The following FBXL2 variants were observed in gnomAD, a reference collection of about 807,000 sequenced individuals.
FBXL2 encodes the protein F-box and leucine rich repeat protein 2.
Under a neutral mutation model 69.2 loss-of-function variants are expected in FBXL2, and 38 were observed. The ratio of observed to expected loss-of-function variants is 0.55; its 90% confidence interval spans 0.42 to 0.72. The LOEUF (loss-of-function observed/expected upper bound fraction) is 0.72, where lower values mean the gene tolerates loss of function less well. Ranked by LOEUF, FBXL2 falls within the 30% of genes least tolerant of loss-of-function variation. FBXL2 has a pLI of 0.00. For missense variants in FBXL2, 354 were observed against 520.3 expected (o/e 0.68, Z 3.11); for synonymous variants, 192 against 201.3 (o/e 0.95, Z 0.39).
downstream of FBXL2, among the ~76,000 whole-genome samples, chr3:33,404,648 G>GA (rs951229851): frequency 2.6e-5 from 4 of 151,710 alleles, no homozygotes; most frequent in Non-Finnish European, 5.9e-5. Flanking sequence ...CCCCCATCTT[G>GA]AAAAAAAGGA....
In FBXL2 at chr3:33,385,534, T is replaced by G; in HGVS notation, c.1198T>G (p.Phe400Val). ...CCCTCATGTCAAAGTCCACGCCTAC[T>G]TTGCTCCCGTCACCCCACCGACAGC... Reference protein sequence around the residue: ...QLPHVKVHAYFAPVTPPTAVA... With the variant: ...QLPHVKVHAYVAPVTPPTAVA... The change falls in exon 15 of 15, where the codon TTT becomes GTT. Residue 400 changes from phenylalanine to valine, a missense_variant. Transcript: ENST00000484457. 1 of 1,614,146 alleles carries G rather than the reference T, an allele frequency of 6.2e-7. No homozygotes were observed. Among genetic ancestry groups the G allele is most frequent in the Non-Finnish European group, 8.5e-7 (1 of 1,180,002 alleles).
At chr3:33,333,066 A>G (rs559941620) in intron 2 of FBXL2, among the ~76,000 whole-genome samples, 1 of 152,320 alleles carries the variant, frequency 6.6e-6, no homozygotes, top group East Asian at 1.9e-4. Flanking sequence ...GACAGAAAGC[A>G]TATTGCTGAT....
At chr3:33,302,614 C>T (rs2036388876) in intron 2 of FBXL2, among the ~76,000 whole-genome samples, 3 of 152,138 alleles carry the variant, frequency 2.0e-5, no homozygotes, top group Non-Finnish European at 4.4e-5. Flanking sequence ...GGAGACAAAG[C>T]TCTAGTTAGT....
At chr3:33,380,554 A>AT (rs1491341860) in intron 13 of FBXL2, among the ~76,000 whole-genome samples, 6 of 106,846 alleles carry the variant, frequency 5.6e-5, no homozygotes, top group African/African-American at 1.9e-4. Context: ...GCAAAACTCC[A>AT]TAAAAAAAAA....
chr3:33,383,742 TC>T, intron 13 of FBXL2: 1 of 478,236 alleles, frequency 2.1e-6, no homozygotes, highest in Non-Finnish European at 3.8e-6. Context: ...TTGTGTTTGG[TC>T]CTCACTGCCT....
At chr3:33,364,523 C>T in intron 4 of FBXL2, 102 bp from the exon 5 acceptor site, 2 of 1,048,224 alleles carry the variant, frequency 1.9e-6, no homozygotes, top group Non-Finnish European at 2.9e-6. Context: ...TTCTGTTACA[C>T]TTGGAAAAAT....
At chr3:33,293,095 G>T (rs1356161045) in intron 1 of FBXL2, among the ~76,000 whole-genome samples, 1 of 152,190 alleles carries the variant, frequency 6.6e-6, no homozygotes, top group African/African-American at 2.4e-5. Context: ...GCCTCAAGCA[G>T]TCCTCCCACC....
chr3:33,281,555 T>A (rs2034007449), intron 1 of FBXL2, among the ~76,000 whole-genome samples: 1 of 152,204 alleles, frequency 6.6e-6, no homozygotes, highest in Non-Finnish European at 1.5e-5. Context: ...TTTGGGTATA[T>A]ACCCAGTAAT....
chr3:33,301,101 T>A (rs80227401), intron 2 of FBXL2, among the ~76,000 whole-genome samples: 1,640 of 152,250 alleles, frequency 0.011, 10 homozygotes, highest in Middle Eastern at 0.027. Flanking sequence ...CAACATTGGG[T>A]GTAACAAAGC....
chr3:33,394,074 T>A (rs1186797086), intron 12 of FBXL2, among the ~76,000 whole-genome samples: 1 of 151,994 alleles, frequency 6.6e-6, no homozygotes, highest in Non-Finnish European at 1.5e-5. Flanking sequence ...TGGAGTGCAG[T>A]GACACAATCA....
At chr3:33,421,417 C>T in the FBXL2 span, among the ~76,000 whole-genome samples, 1 of 152,160 alleles carries the variant, frequency 6.6e-6, no homozygotes, top group East Asian at 1.9e-4. Context: ...GGACTACAGG[C>T]GTGCGCCACC....
chr3:33,402,701 G>A, intron 12 of FBXL2: 2 of 837,802 alleles, frequency 2.4e-6, no homozygotes, highest in Non-Finnish European at 3.5e-6. Context: ...TTTCCTTTAG[G>A]TACAATACAA....
chr3:33,284,337 A>G (rs1167268638), intron 1 of FBXL2, among the ~76,000 whole-genome samples: 1 of 152,242 alleles, frequency 6.6e-6, no homozygotes, highest in African/African-American at 2.4e-5. Context: ...CAGGTTGTTC[A>G]GTTTCCATGT....
rs745414199 is a variant in FBXL2 at position 33,400,267 on chromosome 3, C to A, written n.1215-2967C>A. ...CATTGCTGTGTTTCCTGGATCGTAG[C>A]TGAAGGCTGAATTTGCTATTAACAA... On this transcript the variant is annotated intron_variant and non_coding_transcript_variant, in intron 12 of 12. Transcript: ENST00000463736. 6.9e-6 allele frequency: 11 copies of A among 1,600,000 alleles called. No individual in the cohort carries two copies. In the African/African-American group the frequency reaches 1.1e-4, roughly 16 times the overall value.
At chr3:33,357,362 G>T (rs1338481738) in intron 2 of FBXL2, among the ~76,000 whole-genome samples, 1 of 152,160 alleles carries the variant, frequency 6.6e-6, no homozygotes, top group East Asian at 1.9e-4. Flanking sequence ...AATCAGATGT[G>T]GCTAGCTGTG....
chr3:33,321,167 A>G (rs752857600), intron 2 of FBXL2, among the ~76,000 whole-genome samples: 1 of 151,808 alleles, frequency 6.6e-6, no homozygotes, highest in Non-Finnish European at 1.5e-5. Context: ...AAAATTAGCC[A>G]GGCATGGTGG....
intron 5 of FBXL2, among the ~76,000 whole-genome samples, chr3:33,366,842 T>C (rs1231864611): frequency 6.6e-6 from 1 of 152,078 alleles, no homozygotes; most frequent in East Asian, 1.9e-4. Context: ...CAGGTGCCTG[T>C]AGTCCCAGCT....
At chr3:33,320,500 T>TA (rs2038101556) in intron 2 of FBXL2, among the ~76,000 whole-genome samples, 1 of 151,826 alleles carries the variant, frequency 6.6e-6, no homozygotes, top group Non-Finnish European at 1.5e-5. Flanking sequence ...TTTTTTTTTT[T>TA]AGACGGAGTC....
rs980119937 is a variant in FBXL2, at chr3:33,377,254, G to A, written c.789-19G>A. On this transcript the variant is annotated intron_variant, in intron 10 of 14. Coordinates refer to ENST00000484457, the MANE Select transcript of FBXL2 (RefSeq NM_012157.5). ...ACTAGTTGGTACCGTTTTCTCCCCT[G>A]TACCCACTTTCTCCTCAGAATTTTG... 2 of 1,613,178 alleles carry A rather than the reference G, an allele frequency of 1.2e-6. No homozygotes were observed. Among genetic ancestry groups the A allele is most frequent in the African/African-American group, 2.7e-5 (2 of 74,860 alleles).
Sources: gnomAD v4.1 joint callset for allele counts (sites outside exome capture counted in the v4.1 genomes callset) on GRCh38, gnomAD v4.1.1 for gene constraint, MANE v1.5 for transcripts, NCBI Gene and HGNC (gene_info 2026-07-23, HGNC 2026-07-21) for gene names.